Variants in ITPR3 observed in about 807,000 individuals in gnomAD.
The protein encoded by ITPR3 is inositol 1,4,5-trisphosphate receptor type 3, also known as inositol 1,4,5-trisphosphate-gated calcium channel ITPR3.
ITPR3 carries 173 observed loss-of-function variants against 293.2 expected under a neutral mutation model. The ratio of observed to expected loss-of-function variants is 0.59; its 90% CI spans 0.52 to 0.67. The LOEUF (loss-of-function observed/expected upper bound fraction) is 0.67, where lower values mean the gene tolerates loss of function less well. Ranked by LOEUF, ITPR3 falls within the 30% of genes least tolerant of loss-of-function variation. The pLI is 0.00. For synonymous variants in ITPR3, 1,295 were observed against 1,444.4 expected (o/e 0.90, Z 2.35); for missense variants, 2,796 against 3,592.1 (o/e 0.78, Z 5.66).
intron 1 of ITPR3, among the ~76,000 whole-genome samples, chr6:33,631,918 G>A (rs1300685521): frequency 6.6e-6 from 1 of 152,116 alleles, no homozygotes; most frequent in Admixed American, 6.5e-5. Context: ...TTATTCCTAG[G>A]TTATATTAGT....
rs202216462 is a variant in ITPR3, at chr6:33,688,286, C to T, written c.6423C>T (p.Pro2141=). The change falls in exon 48 of 58, where the codon CCC becomes CCT. Residue 2141 remains proline (P), a synonymous_variant. Coordinates refer to ENST00000605930, the MANE Select transcript of ITPR3 (RefSeq NM_002224.4). ...TGGAGCAGATCGTGTTCCCAGTGCC[C>T]GGCATCTGCCAGTTCCTGACGGAGG... ...RSMEQIVFPV[P]GICQFLTEET... 50 of 1,614,182 alleles carry T rather than the reference C, an allele frequency of 3.1e-5. No individual in the cohort carries two copies. The East Asian group carries it at 5.6e-4, about 18-fold the overall frequency.
chr6:33,645,168 T>A (rs1237688272), intron 2 of ITPR3, among the ~76,000 whole-genome samples: 1 of 151,620 alleles, frequency 6.6e-6, no homozygotes, highest in Non-Finnish European at 1.5e-5. Context: ...CCCCCGTCTC[T>A]ACTAAAAATA....
In ITPR3 at chr6:33,680,538, C is replaced by T; in HGVS notation, c.4351-17C>T. 6.2e-7 allele frequency: 1 copy of T among 1,612,754 alleles called. No individual in the cohort carries two copies. The highest frequency in any genetic ancestry group is 1.7e-5 in the Admixed American group (1 of 60,008). On this transcript the variant is annotated splice_polypyrimidine_tract_variant and intron_variant, in intron 32 of 57. Transcript: ENST00000605930. ...CCCATGTGAGGAGCCCCCAGCCATCCCTCTCTCCTGCCTCAGGTCTGCAGC... is the reference window on the plus strand; with the variant it reads ...CCCATGTGAGGAGCCCCCAGCCATCTCTCTCTCCTGCCTCAGGTCTGCAGC...
intron 11 of ITPR3, 86 bp downstream of exon 11, chr6:33,663,966 C>A: frequency 6.6e-7 from 1 of 1,510,590 alleles, no homozygotes; most frequent in Non-Finnish European, 9.0e-7. Flanking sequence ...ATCCCCCACT[C>A]CTCCGCCCTC....
intron 1 of ITPR3, among the ~76,000 whole-genome samples, chr6:33,639,954 A>G (rs1288298570): frequency 6.6e-6 from 1 of 151,958 alleles, no homozygotes; most frequent in Non-Finnish European, 1.5e-5. Flanking sequence ...TTCCTTGGAG[A>G]CCTAAAGACT....
At chr6:33,680,742 G>A in intron 33 of ITPR3, 62 bp downstream of exon 33, 1 of 1,560,650 alleles carries the variant, frequency 6.4e-7, no homozygotes, top group Non-Finnish European at 8.7e-7. Flanking sequence ...AAGGGAAGGG[G>A]GGAAATAAGA....
chr6:33,636,000 C>T (rs1763812550), intron 1 of ITPR3, among the ~76,000 whole-genome samples: 1 of 151,762 alleles, frequency 6.6e-6, no homozygotes, highest in South Asian at 2.1e-4. Flanking sequence ...TTAAAGGGAT[C>T]CCCTGGCCGG....
intron 24 of ITPR3, among the ~76,000 whole-genome samples, chr6:33,674,979 T>A (rs1329955654): frequency 6.6e-6 from 1 of 152,210 alleles, no homozygotes; most frequent in African/African-American, 2.4e-5. Context: ...GACTTACAGG[T>A]GCCACAAATA....
Position 33,683,067 on chromosome 6 carries a change from C to A in ITPR3, c.4598-140C>A. The A allele has an allele frequency of 1.9e-6, 1 of 528,388 alleles. No individual in the cohort carries two copies. The highest frequency in any genetic ancestry group is 3.0e-6 in the Non-Finnish European group (1 of 338,688). 32.7% of individuals were successfully genotyped at this position (528,388 alleles called of 1,614,324 possible). ...AGCCTCTCAGTCCCTCAAGCATAGG[C>A]CGGGGTGGGGGGGGTCTCTGTCTCC... On this transcript the variant is annotated intron_variant, in intron 34 of 57. Transcript: ENST00000605930. The surrounding 1 kb of genome is among the most constrained non-coding windows in gnomAD (Gnocchi z 4.5).
At position 33,693,742 on chromosome 6, in the gene ITPR3, A is replaced by G. The variant is rs574166484; in HGVS notation, c.7785+37A>G. The G allele has an allele frequency of 9.5e-4, 1,531 of 1,604,782 alleles. 4 individuals carry two copies. Among genetic ancestry groups the G allele is most frequent in the Middle Eastern group, 5.6e-3 (31 of 5,562 alleles). The stretch of plus-strand genomic sequence containing the variant: ...GGCTGTGCCAGGCCTGTGGGCCCAA[A>G]CCAGCCATTCTAGAGTCATCACTGT... On this transcript the variant is annotated intron_variant, in intron 56 of 57. Coordinates refer to ENST00000605930, the MANE Select transcript of ITPR3 (RefSeq NM_002224.4).
chr6:33,645,567 G>A (rs9357162), intron 2 of ITPR3, among the ~76,000 whole-genome samples: 30,374 of 152,086 alleles, frequency 0.2, 3,816 homozygotes, highest in South Asian at 0.3. Flanking sequence ...CGTGTGCTCG[G>A]GTTCCTCTGG....
intron 3 of ITPR3, among the ~76,000 whole-genome samples, chr6:33,656,690 A>G (rs981839024): frequency 3.3e-5 from 5 of 150,370 alleles, no homozygotes; most frequent in African/African-American, 1.2e-4. Context: ...CGGGGTCCCA[A>G]CCCCGTTCCC....
rs773711852 is a variant in ITPR3, at chr6:33,670,311, TC to T, written c.2190-11del. ...GCCATCTGCCGTGTCCTCACAGTCC[TC>T]CCTGTCCTGCAGGTACCAGCTGAAG... is the stretch of plus-strand genomic sequence containing the variant. On this transcript the variant is annotated splice_polypyrimidine_tract_variant and intron_variant, in intron 18 of 57. Coordinates refer to ENST00000605930, the MANE Select transcript of ITPR3 (RefSeq NM_002224.4). The surrounding 1 kb of genome is among the most constrained non-coding windows in gnomAD (Gnocchi z 6.7). The T allele has an allele frequency of 2.5e-5, 40 of 1,613,846 alleles. No homozygotes were observed. Among genetic ancestry groups the T allele is most frequent in the Non-Finnish European group, 3.4e-5 (40 of 1,179,996 alleles).
At position 33,654,104 on chromosome 6, in the gene ITPR3, C is replaced by G. The variant is rs1764253577; in HGVS notation, c.161-1662C>G. On this transcript the variant is annotated intron_variant, in intron 2 of 57. Coordinates refer to ENST00000605930, the MANE Select transcript of ITPR3 (RefSeq NM_002224.4). The surrounding 1 kb of genome is among the most constrained non-coding windows in gnomAD (Gnocchi z 4.1). ...GCAATATGGCGAAACCCCGTCTCTA[C>G]TAAAAATACAAAAATTAGCCAGGCA... is the stretch of plus-strand genomic sequence containing the variant. Among the ~76,000 whole-genome samples the G allele has an allele frequency of 6.6e-6, 1 of 152,098 alleles. No individual in the cohort carries two copies. The highest frequency in any genetic ancestry group is 6.5e-5 in the Admixed American group (1 of 15,272).
intron 1 of ITPR3, among the ~76,000 whole-genome samples, chr6:33,623,392 T>TA (rs1387627055): frequency 7.1e-6 from 1 of 141,484 alleles, no homozygotes; most frequent in Non-Finnish European, 1.5e-5. Context: ...AGTGATGCAA[T>TA]CTTGGCTTAC....
intron 39 of ITPR3, among the ~76,000 whole-genome samples, 156 bp from the exon 40 acceptor site, chr6:33,685,191 GCATGGAGCCGCC>G (rs1765192030): frequency 6.6e-6 from 1 of 152,180 alleles, no homozygotes; most frequent in Non-Finnish European, 1.5e-5. Flanking sequence ...CAGATATGGG[GCATGGAGCCGCC>G]CATGGGTGGC....
In ITPR3 at chr6:33,680,662, G is replaced by C; in HGVS notation, c.4458G>C (p.Glu1486Asp). 6.2e-7 allele frequency: 1 copy of C among 1,613,862 alleles called. No individual in the cohort carries two copies. The highest frequency in any genetic ancestry group is 8.5e-7 in the Non-Finnish European group (1 of 1,179,764). The change falls in exon 33 of 58, where the codon GAG (glutamate) becomes GAC (aspartate). Residue 1486 changes from glutamate (E) to aspartate (D), a missense_variant. Glu to Asp is a conservative substitution (Grantham distance 45). Coordinates refer to ENST00000605930, the MANE Select transcript of ITPR3 (RefSeq NM_002224.4). The stretch of plus-strand genomic sequence containing the variant: ...CCTTCTTCAGCTCCCCATTCTCTGA[G>C]AACAGCACTTCCCTGCAGGTGAGCT... ...INAFFSSPFS[E>D]NSTSLQTHQT...
In ITPR3 at chr6:33,688,648, C is replaced by T. The variant is rs1466393926; in HGVS notation, c.6569-8C>T. 3.1e-6 allele frequency: 5 copies of T among 1,613,930 alleles called. No homozygotes were observed. In the East Asian group the frequency reaches 6.7e-5, roughly 22 times the overall value. The stretch of plus-strand genomic sequence containing the variant: ...CCTCCAGCAGCTCACCGTTGCCCTC[C>T]TCTTCAGGCATGCCGCTGATCTACT... On this transcript the variant is annotated splice_polypyrimidine_tract_variant and splice_region_variant and intron_variant, in intron 48 of 57. Coordinates refer to ENST00000605930, the MANE Select transcript of ITPR3 (RefSeq NM_002224.4).
At position 33,663,537 on chromosome 6, in the gene ITPR3, A is replaced by G; in HGVS notation, c.992A>G (p.Lys331Arg). ...TACAAAGGTGATGCCTCAGATCCCAAGGCAGCAGGAATGGTGAGGAGCAAA... is the reference window on the plus strand; with the variant it reads ...TACAAAGGTGATGCCTCAGATCCCAGGGCAGCAGGAATGGTGAGGAGCAAA... ...PSYKGDASDP[K>R]AAGMGAQGRT... is the part of the protein sequence containing the mutation. The change falls in exon 10 of 58, where the codon AAG becomes AGG. Residue 331 changes from lysine to arginine, a missense_variant. This residue lies in a region of ITPR3 where 955 missense variants were observed against 1,180.8 expected (regional missense o/e 0.81). Transcript: ENST00000605930. The G allele has an allele frequency of 6.2e-7, 1 of 1,605,798 alleles. No homozygotes were observed. The highest frequency in any genetic ancestry group is 8.5e-7 in the Non-Finnish European group (1 of 1,175,750).
Sources: gnomAD v4.1 joint callset for allele counts (sites outside exome capture counted in the v4.1 genomes callset) on GRCh38, gnomAD v4.1.1 for gene constraint, gnomAD v4.1.1 regional missense constraint, Gnocchi (gnomAD v3.1) non-coding constraint, MANE v1.5 for transcripts, NCBI Gene and HGNC (gene_info 2026-07-23, HGNC 2026-07-21) for gene names.